TACR3: variants seen among roughly 807,000 people sequenced by gnomAD.
The protein encoded by TACR3 is neuromedin-K receptor.
Under a neutral mutation model 35.0 loss-of-function variants are expected in TACR3, and 34 were observed. The ratio of observed to expected loss-of-function variants is 0.97; its 90% CI spans 0.74 to 1.30. The LOEUF is 1.30. Ranked by LOEUF, TACR3 falls within the 50% of genes most tolerant of loss-of-function variation. TACR3 has a pLI of 0.00. For synonymous variants in TACR3, 233 were observed against 221.1 expected, an observed-to-expected ratio of 1.05 and a Z score of -0.48; for missense variants, 558 against 591.7, an observed-to-expected ratio of 0.94 and a Z score of 0.59.
intron 3 of TACR3, among the ~76,000 whole-genome samples, chr4:103,645,638 G>A (rs1269138863): frequency 4.6e-5 from 7 of 151,890 alleles, no homozygotes; most frequent in African/African-American, 1.7e-4. Flanking sequence ...GAAAAAAGGA[G>A]AATCAGACAT....
At chr4:103,672,282 G>T (rs761388382) in intron 1 of TACR3, among the ~76,000 whole-genome samples, 1 of 152,094 alleles carries the variant, frequency 6.6e-6, no homozygotes, top group African/African-American at 2.4e-5. Context: ...TTTTCCAGAA[G>T]ATTCTCAATT....
intron 1 of TACR3, among the ~76,000 whole-genome samples, chr4:103,709,457 G>T (rs1422601559): frequency 1.3e-5 from 2 of 152,186 alleles, no homozygotes; most frequent in Non-Finnish European, 2.9e-5. Context: ...AGCAAATGCT[G>T]AGAGATTTTG....
intron 3 of TACR3, among the ~76,000 whole-genome samples, chr4:103,614,884 G>GTGTTTTTTTTTTT (rs1724601239): frequency 1.4e-5 from 1 of 72,006 alleles, no homozygotes; most frequent in African/African-American, 6.0e-5. Context: ...TTATGAATGT[G>GTGTTTTTTTTTTT]TTTTTTTTTT....
intron 3 of TACR3, among the ~76,000 whole-genome samples, chr4:103,599,237 A>C (rs1310111465): frequency 6.6e-6 from 1 of 151,962 alleles, no homozygotes; most frequent in Admixed American, 6.6e-5. Flanking sequence ...GAGTTCACTC[A>C]TGATTTGGCT....
chr4:103,648,848 A>AT (rs1377355584), intron 3 of TACR3, among the ~76,000 whole-genome samples: 4 of 152,070 alleles, frequency 2.6e-5, no homozygotes, highest in Admixed American at 2.6e-4. Flanking sequence ...TTTTATTTTT[A>AT]TTTGAGAAAC....
chr4:103,686,833 A>G (rs1355867292), intron 1 of TACR3, among the ~76,000 whole-genome samples: 1 of 152,174 alleles, frequency 6.6e-6, no homozygotes, highest in Non-Finnish European at 1.5e-5. Flanking sequence ...AGGAACTGGT[A>G]CCATTCCTTC....
chr4:103,695,596 TAGTAA>T, intron 1 of TACR3, among the ~76,000 whole-genome samples: 1 of 152,164 alleles, frequency 6.6e-6, no homozygotes, highest in Admixed American at 6.5e-5. Flanking sequence ...GTGAAGTAAA[TAGTAA>T]AGTTTCGTGG....
intron 3 of TACR3, among the ~76,000 whole-genome samples, chr4:103,622,458 A>C (rs1724803124): frequency 6.6e-6 from 1 of 152,160 alleles, no homozygotes; most frequent in South Asian, 2.1e-4. Flanking sequence ...AAGGCCAGGC[A>C]CGGTGGCTCA....
intron 2 of TACR3, among the ~76,000 whole-genome samples, chr4:103,657,066 TA>T (rs1725747560): frequency 6.6e-6 from 1 of 152,078 alleles, no homozygotes; most frequent in Admixed American, 6.6e-5. Flanking sequence ...ATCAAAATTA[TA>T]AGAATTCAAT....
intron 1 of TACR3, among the ~76,000 whole-genome samples, chr4:103,667,291 C>T (rs1725956358): frequency 2.0e-5 from 3 of 151,908 alleles, no homozygotes; most frequent in Admixed American, 1.3e-4. Context: ...AACAAAAAAA[C>T]TTTGAGCTCA....
intron 3 of TACR3, among the ~76,000 whole-genome samples, chr4:103,633,003 G>GTGTT (rs1491413212): frequency 1.3e-5 from 2 of 151,858 alleles, no homozygotes; most frequent in East Asian, 1.9e-4. Context: ...AGATTAAAAA[G>GTGTT]TGTTAGTATG....
chr4:103,705,218 A>T (rs973529130), intron 1 of TACR3, among the ~76,000 whole-genome samples: 1 of 152,164 alleles, frequency 6.6e-6, no homozygotes, highest in East Asian at 1.9e-4. Flanking sequence ...AAATGTTAGG[A>T]TAAACTATAT....
At chr4:103,599,195 T>A (rs1029824198) in intron 3 of TACR3, among the ~76,000 whole-genome samples, 1 of 152,204 alleles carries the variant, frequency 6.6e-6, no homozygotes, top group Non-Finnish European at 1.5e-5. Flanking sequence ...GATTCCTAGG[T>A]ATTTTATTTT....
chr4:103,653,381 A>T (rs1020263657), intron 3 of TACR3, among the ~76,000 whole-genome samples: 1 of 152,154 alleles, frequency 6.6e-6, no homozygotes, highest in Non-Finnish European at 1.5e-5. Context: ...AGAAACACTC[A>T]GATTAAATTT....
Position 103,649,051 on chromosome 4 carries a change from C to CT in TACR3, c.888+7142dup, listed in dbSNP as rs1400826357. ...TTTGATGATCAATAATGTTGAGCAT[C>CT]TTTTTTATGCTTGTTGGCCATTTGT... On this transcript the variant is annotated intron_variant, in intron 3 of 4. Coordinates refer to ENST00000304883, the MANE Select transcript of TACR3 (RefSeq NM_001059.3). 3.3e-5 allele frequency among the ~76,000 whole-genome samples: 5 copies of CT among 152,088 alleles called. No individual in the cohort carries two copies. In the East Asian group the frequency reaches 9.7e-4, roughly 30 times the overall value.
chr4:103,629,881 CAACAACAACAACAAA>C (rs1430708492), intron 3 of TACR3, among the ~76,000 whole-genome samples: 9,140 of 115,768 alleles, frequency 0.079, 292 homozygotes, highest in African/African-American at 0.09. Context: ...ACAAAAAAAA[CAACAACAACAACAAA>C]AAAAAACAAA....
At chr4:103,605,928 G>T (rs1309528572) in intron 3 of TACR3, among the ~76,000 whole-genome samples, 1 of 152,094 alleles carries the variant, frequency 6.6e-6, no homozygotes, top group Non-Finnish European at 1.5e-5. Context: ...GTAATGCCTA[G>T]GTTTTCTTCT....
At chr4:103,718,480 C>T (rs1226724921) in intron 1 of TACR3, among the ~76,000 whole-genome samples, 1 of 152,240 alleles carries the variant, frequency 6.6e-6, no homozygotes, top group Non-Finnish European at 1.5e-5. Context: ...ACAGGGTTTA[C>T]TCAGTTCATA....
At chr4:103,670,459 A>C (rs1726030909) in intron 1 of TACR3, among the ~76,000 whole-genome samples, 1 of 152,064 alleles carries the variant, frequency 6.6e-6, no homozygotes, top group African/African-American at 2.4e-5. Flanking sequence ...CTTCCAGGCC[A>C]TGAACATGAA....
Sources: gnomAD v4.1 joint callset for allele counts (sites outside exome capture counted in the v4.1 genomes callset) on GRCh38, gnomAD v4.1.1 for gene constraint, MANE v1.5 for transcripts, NCBI Gene and HGNC (gene_info 2026-07-23, HGNC 2026-07-21) for gene names.